Variants in CMC2 observed in about 807,000 individuals in gnomAD.
The protein encoded by CMC2 is C-X9-C motif containing 2.
A neutral mutation model predicts 7.5 loss-of-function variants in CMC2; 5 were observed. That is an observed-to-expected ratio of 0.66 (90% confidence interval 0.35 to 1.40). The LOEUF (loss-of-function observed/expected upper bound fraction) is 1.40. CMC2 is among the 40% of genes most tolerant of loss of function. The probability of loss-of-function intolerance (pLI) is 0.04; values close to 1 mark genes in which losing one functional copy is unlikely to be tolerated. For missense variants in CMC2, 115 were observed against 92.3 expected, an observed-to-expected ratio of 1.25 and a Z score of -1.01; for synonymous variants, 37 against 31.4, an observed-to-expected ratio of 1.18 and a Z score of -0.60.
intron 1 of CMC2, chr16:80,997,692 T>C (rs1968536439): frequency 4.4e-6 from 1 of 229,740 alleles, no homozygotes; most frequent in African/African-American, 2.3e-5. Flanking sequence ...ATCCCGGAAA[T>C]AAGCACTAAA....
At position 80,970,862 on chromosome 16, in the gene CMC2, T is replaced by C. The variant is rs1209620847; in HGVS notation, c.*5231A>G. On this transcript the variant is annotated 3_prime_UTR_variant, in exon 4 of 4. Transcript: ENST00000219400. ...AAATTTTAAGAGATATTAGAATAAG[T>C]AATTTTAAAAATACCCCTTAGACAC... The C allele has an allele frequency of 6.6e-6, 1 of 152,228 alleles. No homozygotes were observed. The highest frequency in any genetic ancestry group is 1.5e-5 in the Non-Finnish European group (1 of 68,038). The allele number at this position is 152,228 out of a possible 1,614,324, so 9.4% of individuals were successfully genotyped here.
At position 80,967,026 on chromosome 16, in the gene CMC2, C is replaced by A. The variant is rs1050005892; in HGVS notation, c.*9067G>T. ...TAAAGTCCTTTGGGCTACTTCAACA[C>A]TTTATTTATTCTTTATTCACTAAAA... On this transcript the variant is annotated 3_prime_UTR_variant, in exon 4 of 4. Coordinates refer to ENST00000219400, the MANE Select transcript of CMC2 (RefSeq NM_020188.5). 1 of 152,188 alleles carries A rather than the reference C, an allele frequency of 6.6e-6. No homozygotes were observed. Among genetic ancestry groups the A allele is most frequent in the African/African-American group, 2.4e-5 (1 of 41,444 alleles). 9.4% of individuals were successfully genotyped at this position (152,188 alleles called of 1,614,324 possible).
chr16:80,991,082 G>C (rs1003762223), intron 2 of CMC2, among the ~76,000 whole-genome samples: 2 of 150,916 alleles, frequency 1.3e-5, no homozygotes, highest in African/African-American at 4.9e-5. Context: ...AGTGGCCAAA[G>C]CTGGAACAAT....
chr16:80,984,310 G>A (rs2602446), intron 2 of CMC2, among the ~76,000 whole-genome samples: 1 of 151,976 alleles, frequency 6.6e-6, no homozygotes, highest in African/African-American at 2.4e-5. Context: ...GCTGAACTTG[G>A]TAGTTGTAAT....
In CMC2 at chr16:80,968,670, T is replaced by A. The variant is rs1911715856; in HGVS notation, c.*7423A>T. 6.6e-6 allele frequency: 1 copy of A among 152,070 alleles called. No individual in the cohort carries two copies. Among genetic ancestry groups the A allele is most frequent in the Non-Finnish European group, 1.5e-5 (1 of 68,028 alleles). 9.4% of individuals were successfully genotyped at this position (152,070 alleles called of 1,614,324 possible). A position where few individuals can be genotyped will look rare whatever the true frequency, so the allele number is the denominator to read the frequency against. On this transcript the variant is annotated 3_prime_UTR_variant, in exon 4 of 4. Coordinates refer to ENST00000219400, the MANE Select transcript of CMC2 (RefSeq NM_020188.5). Reference sequence around the variant, plus strand: ...AGCTCATTAGGTAATCTGAAAACACTCCTGCTAAAAAGCTATCTACAAATA... The same window carrying A: ...AGCTCATTAGGTAATCTGAAAACACACCTGCTAAAAAGCTATCTACAAATA...
chr16:80,997,173 T>C lies in CMC2; in HGVS notation c.81+141A>G, dbSNP rs1968492322. ...GTAAAAAAAAGAAAAAAATCGCACA[T>C]ATCAACTGCTAATCTTGACTAAACT... On this transcript the variant is annotated intron_variant, in intron 2 of 3. Coordinates refer to ENST00000219400, the MANE Select transcript of CMC2 (RefSeq NM_020188.5). The C allele has an allele frequency of 1.3e-5, 8 of 631,478 alleles. No homozygotes were observed. In the South Asian group the frequency reaches 1.5e-4, roughly 12 times the overall value. 39.1% of individuals were successfully genotyped at this position (631,478 alleles called of 1,614,324 possible).
intron 1 of CMC2, among the ~76,000 whole-genome samples, chr16:81,004,125 G>C (rs1969060878): frequency 6.6e-6 from 1 of 152,152 alleles, no homozygotes; most frequent in African/African-American, 2.4e-5. Context: ...GGGAGGCTGA[G>C]GCAGGGGAAT....
At position 80,970,842 on chromosome 16, in the gene CMC2, TTAA is replaced by T. The variant is rs1911864022; in HGVS notation, c.*5248_*5250del. 1 of 152,148 alleles carries T rather than the reference TTAA, an allele frequency of 6.6e-6. No homozygotes were observed. Among genetic ancestry groups the T allele is most frequent in the Non-Finnish European group, 1.5e-5 (1 of 68,040 alleles). The allele number at this position is 152,148 out of a possible 1,614,324, so 9.4% of individuals were successfully genotyped here. A position where few individuals can be genotyped will look rare whatever the true frequency, so the allele number is the denominator to read the frequency against. The stretch of plus-strand genomic sequence containing the variant: ...ATAATCCCTGCTTTATAAAAAAATT[TTAA>T]GAGATATTAGAATAAGTAATTTTAA... On this transcript the variant is annotated 3_prime_UTR_variant, in exon 4 of 4. Coordinates refer to ENST00000219400, the MANE Select transcript of CMC2 (RefSeq NM_020188.5).
At position 80,975,295 on chromosome 16, in the gene CMC2, A is replaced by C. The variant is rs1912197484; in HGVS notation, c.*798T>G. The C allele has an allele frequency of 6.6e-6, 1 of 152,208 alleles. No homozygotes were observed. Among genetic ancestry groups the C allele is most frequent in the African/African-American group, 2.4e-5 (1 of 41,446 alleles). 9.4% of individuals were successfully genotyped at this position (152,208 alleles called of 1,614,324 possible). On this transcript the variant is annotated 3_prime_UTR_variant, in exon 4 of 4. Coordinates refer to ENST00000219400, the MANE Select transcript of CMC2 (RefSeq NM_020188.5). Reference sequence around the variant, plus strand: ...AAGACTCAATTCCTAACCAGATGAAATTTTATCAATGTTAAGTGTAAATAT... The same window carrying C: ...AAGACTCAATTCCTAACCAGATGAACTTTTATCAATGTTAAGTGTAAATAT...
intron 3 of CMC2, chr16:80,981,015 A>T: frequency 2.4e-6 from 1 of 414,546 alleles, no homozygotes; most frequent in Admixed American, 4.3e-5. Context: ...CTAAGCAGAA[A>T]ACAAAATCAA....
chr16:81,004,208 G>C (rs1969070389), intron 1 of CMC2, among the ~76,000 whole-genome samples: 1 of 146,124 alleles, frequency 6.8e-6, no homozygotes, highest in East Asian at 2.0e-4. Context: ...GGTCGAAAGA[G>C]TGAGACTCCA....
At chr16:81,006,076 T>A (rs1465309340) in intron 1 of CMC2, among the ~76,000 whole-genome samples, 1 of 152,142 alleles carries the variant, frequency 6.6e-6, no homozygotes, top group Non-Finnish European at 1.5e-5. Flanking sequence ...ATCGAAAACT[T>A]CCATGCCTTT....
chr16:80,976,512 C>A (rs1912372698), intron 3 of CMC2, among the ~76,000 whole-genome samples: 1 of 152,176 alleles, frequency 6.6e-6, no homozygotes, highest in Admixed American at 6.5e-5. Flanking sequence ...CAAATTCTGT[C>A]CATGTTCTCC....
rs73589145 is a variant in CMC2 at position 80,971,476 on chromosome 16, A to C, written c.*4617T>G. On this transcript the variant is annotated 3_prime_UTR_variant, in exon 4 of 4. Transcript: ENST00000219400. ...TTTTAAAAAAAAAAGGTACGCTACC[A>C]AAGGCTACACACATCATGACGCCTC... 3 of 144,056 alleles carry C rather than the reference A, an allele frequency of 2.1e-5. No individual in the cohort carries two copies. The highest frequency in any genetic ancestry group is 8.2e-5 in the African/African-American group (3 of 36,700). 8.9% of individuals were successfully genotyped at this position (144,056 alleles called of 1,614,324 possible).
chr16:80,977,274 A>G (rs1912506882), intron 3 of CMC2, among the ~76,000 whole-genome samples: 1 of 152,240 alleles, frequency 6.6e-6, no homozygotes, highest in African/African-American at 2.4e-5. Flanking sequence ...AGGTTACAAC[A>G]GGAGACACAA....
intron 1 of CMC2, chr16:81,006,394 C>T (rs1029207135): frequency 6.6e-6 from 1 of 152,288 alleles, no homozygotes. Flanking sequence ...GGGCTCCATT[C>T]CTCAAGGTCC....
At chr16:80,992,052 T>C (rs1163840566) in intron 2 of CMC2, 1 of 412,830 alleles carries the variant, frequency 2.4e-6, no homozygotes, top group Non-Finnish European at 4.9e-6. Context: ...TATTGGTTTA[T>C]TAACTGTAAC....
At chr16:80,997,088 G>GACGTTCCCT in intron 2 of CMC2, 2 of 565,886 alleles carry the variant, frequency 3.5e-6, no homozygotes, top group South Asian at 3.7e-5. Context: ...TACCAGTTCA[G>GACGTTCCCT]ACGTTCCCTA....
At chr16:80,991,904 C>A (rs776906944) in intron 2 of CMC2, 8 of 453,268 alleles carry the variant, frequency 1.8e-5, no homozygotes, top group South Asian at 1.3e-4. Context: ...TCACAGATAA[C>A]AGGAGCCTAA....
Sources: gnomAD v4.1 joint callset for allele counts (sites outside exome capture counted in the v4.1 genomes callset) on GRCh38, gnomAD v4.1.1 for gene constraint, MANE v1.5 for transcripts, NCBI Gene and HGNC (gene_info 2026-07-23, HGNC 2026-07-21) for gene names.